Variants in IBTK observed in about 807,000 individuals in gnomAD.
IBTK encodes the protein inhibitor of Bruton tyrosine kinase.
IBTK carries 83 observed loss-of-function variants against 154.9 expected under a neutral mutation model. That is an observed-to-expected ratio of 0.54 (90% CI 0.45 to 0.64). The LOEUF (loss-of-function observed/expected upper bound fraction) is 0.64, where lower values mean the gene tolerates loss of function less well. IBTK is among the 30% of genes least tolerant of loss of function. The probability of loss-of-function intolerance (pLI) is 0.00; values close to 1 mark genes in which losing one functional copy is unlikely to be tolerated. For synonymous variants in IBTK, 515 were observed against 536.1 expected (o/e 0.96, Z 0.54); for missense variants, 1,332 against 1,584.6 (o/e 0.84, Z 2.71).
chr6:82,247,583 C>G lies in IBTK; in HGVS notation c.-379G>C, dbSNP rs1771204824. The G allele has an allele frequency of 7.5e-6, 3 of 398,708 alleles. No homozygotes were observed. The highest frequency in any genetic ancestry group is 2.1e-5 in the African/African-American group (1 of 48,642). 24.7% of individuals were successfully genotyped at this position (398,708 alleles called of 1,614,324 possible). The stretch of plus-strand genomic sequence containing the variant: ...TCACCAGTCGCTAGATGAAACTGCG[C>G]CGGTGGATTCCGCAGGGTCCACATA... On this transcript the variant is annotated 5_prime_UTR_variant, in exon 1 of 29. Coordinates refer to ENST00000306270, the MANE Select transcript of IBTK (RefSeq NM_015525.4).
rs1396009552 is a variant in IBTK at position 82,200,249 on chromosome 6, T to C, written c.2917A>G (p.Thr973Ala). The C allele has an allele frequency of 1.2e-6, 2 of 1,608,324 alleles. No homozygotes were observed. Among genetic ancestry groups the C allele is most frequent in the Non-Finnish European group, 1.7e-6 (2 of 1,175,320 alleles). Residue 973 changes from threonine to alanine, a missense_variant, in exon 21 of 29, where the codon ACT (threonine) becomes GCT (alanine). By Grantham distance (58) the Thr-to-Ala change is moderately conservative (BLOSUM62 0). Transcript: ENST00000306270. ...TTTGTTTTTGCTTTCTTGAACATAG[T>C]TTCCCTAGGAAAAAGCAAACATAAT... The part of the protein sequence containing the change: ...EINMEQNHSE[T>A]MFKKAKTKAK...
chr6:82,196,184 T>C (rs986993621), intron 22 of IBTK, 114 bp downstream of exon 22: 5 of 840,598 alleles, frequency 5.9e-6, no homozygotes, highest in Non-Finnish European at 7.0e-6. Flanking sequence ...GTGATTCTTA[T>C]ATACCAACCT....
At position 82,211,407 on chromosome 6, in the gene IBTK, A is replaced by G. The variant is rs769980728; in HGVS notation, c.2375-3T>C. The G allele has an allele frequency of 3.1e-6, 5 of 1,608,616 alleles. No individual in the cohort carries two copies. The South Asian group carries it at 4.4e-5, about 14-fold the overall frequency. ...ACTCAGCATACTATGAAAATATTCT[A>G]AAAGAAAAAAAAGTTCAATGCAATA... is the stretch of plus-strand genomic sequence containing the variant. On this transcript the variant is annotated splice_polypyrimidine_tract_variant and splice_region_variant and intron_variant, in intron 14 of 28. Transcript: ENST00000306270.
chr6:82,224,722 A>C (rs906977505), intron 6 of IBTK, among the ~76,000 whole-genome samples: 1 of 152,230 alleles, frequency 6.6e-6, no homozygotes, highest in East Asian at 1.9e-4. Context: ...GTCACGTGTG[A>C]TATCTGTGCA....
chr6:82,240,508 T>C lies in IBTK; in HGVS notation c.-22A>G. ...TCATCCTAACTGTTTTTATACCACT[T>C]ACTTCAGAATCGTGAAAACTAATTT... On this transcript the variant is annotated 5_prime_UTR_variant, in exon 2 of 29. Coordinates refer to ENST00000306270, the MANE Select transcript of IBTK (RefSeq NM_015525.4). The C allele has an allele frequency of 1.9e-6, 3 of 1,572,608 alleles. No individual in the cohort carries two copies. The highest frequency in any genetic ancestry group is 2.6e-6 in the Non-Finnish European group (3 of 1,158,720).
chr6:82,182,322 G>A (rs1768351659), intron 25 of IBTK, among the ~76,000 whole-genome samples: 1 of 151,800 alleles, frequency 6.6e-6, no homozygotes, highest in South Asian at 2.1e-4. Flanking sequence ...TTAAAAATAG[G>A]TAAGTTCGGC....
At position 82,231,699 on chromosome 6, in the gene IBTK, G is replaced by A. The variant is rs766254346; in HGVS notation, c.543+19C>T. 1.0e-5 allele frequency: 16 copies of A among 1,580,102 alleles called. No homozygotes were observed. The highest frequency in any genetic ancestry group is 1.4e-5 in the Non-Finnish European group (16 of 1,162,746). The stretch of plus-strand genomic sequence containing the variant: ...TCTTTCTCATCTCTAAAAGTATATA[G>A]ATTGTACTTCAAAAATACCTGCTTG... On this transcript the variant is annotated intron_variant, in intron 4 of 28. Transcript: ENST00000306270.
intron 22 of IBTK, among the ~76,000 whole-genome samples, chr6:82,195,027 C>T (rs1482868509): frequency 6.6e-6 from 1 of 152,088 alleles, no homozygotes; most frequent in Non-Finnish European, 1.5e-5. Context: ...TCATATAATT[C>T]ACTCTGATGT....
At chr6:82,179,556 C>A (rs531160821) in intron 26 of IBTK, among the ~76,000 whole-genome samples, 1 of 152,114 alleles carries the variant, frequency 6.6e-6, no homozygotes, top group Non-Finnish European at 1.5e-5. Flanking sequence ...TGAAATAAGA[C>A]GACGACCAGT....
At position 82,200,582 on chromosome 6, in the gene IBTK, C is replaced by A; in HGVS notation, c.2912+5G>T. The A allele has an allele frequency of 6.5e-7, 1 of 1,535,068 alleles. No individual in the cohort carries two copies. Among genetic ancestry groups the A allele is most frequent in the Non-Finnish European group, 8.7e-7 (1 of 1,145,390 alleles). On this transcript the variant is annotated splice_donor_5th_base_variant and intron_variant, in intron 20 of 28. Transcript: ENST00000306270. ...AAAAGAAAAAAAAAAAAGAAAACAG[C>A]TTACGAATGATTTTGTTCCATATTT... is the stretch of plus-strand genomic sequence containing the variant.
chr6:82,172,303 C>T, intron 28 of IBTK, 77 bp downstream of exon 28: 1 of 1,458,484 alleles, frequency 6.9e-7, no homozygotes, highest in East Asian at 2.3e-5. Flanking sequence ...CCAAAACAAA[C>T]AAACACGATT....
At chr6:82,237,629 T>TAGC (rs1562108729) in intron 2 of IBTK, among the ~76,000 whole-genome samples, 1 of 146,230 alleles carries the variant, frequency 6.8e-6, no homozygotes, top group Admixed American at 7.0e-5. Flanking sequence ...GTAGTAGTAG[T>TAGC]AGCAGTAGTA....
At chr6:82,217,899 C>T in intron 10 of IBTK, 61 bp downstream of exon 10, 1 of 1,170,330 alleles carries the variant, frequency 8.5e-7, no homozygotes, top group Non-Finnish European at 1.2e-6. Flanking sequence ...GAACCTAATA[C>T]TTGTCAAATT....
chr6:82,247,279 A>C (rs1771188121), intron 1 of IBTK, among the ~76,000 whole-genome samples: 1 of 152,204 alleles, frequency 6.6e-6, no homozygotes, highest in Non-Finnish European at 1.5e-5. Context: ...TAGGAATGCA[A>C]TGTCGCTGGA....
intron 25 of IBTK, among the ~76,000 whole-genome samples, chr6:82,187,303 C>A (rs541997451): frequency 3.3e-5 from 5 of 152,212 alleles, no homozygotes; most frequent in Non-Finnish European, 7.4e-5. Context: ...TTCTAGAATT[C>A]TCCTTAATAT....
chr6:82,245,747 T>C (rs1460996586), intron 1 of IBTK, among the ~76,000 whole-genome samples: 1 of 151,972 alleles, frequency 6.6e-6, no homozygotes, highest in East Asian at 1.9e-4. Flanking sequence ...TGAACAGCCT[T>C]ATGTGCCTTT....
chr6:82,215,573 G>A (rs913385951), intron 11 of IBTK, among the ~76,000 whole-genome samples: 3 of 151,990 alleles, frequency 2.0e-5, no homozygotes, highest in Non-Finnish European at 4.4e-5. Flanking sequence ...GATCACCTGA[G>A]GTCAGGTGGT....
At chr6:82,188,748 GA>G (rs1277383234) in intron 25 of IBTK, among the ~76,000 whole-genome samples, 1 of 152,174 alleles carries the variant, frequency 6.6e-6, no homozygotes, top group Non-Finnish European at 1.5e-5. Flanking sequence ...CAATAGAAAA[GA>G]AAAAGTGTAG....
chr6:82,214,590 C>T lies in IBTK; in HGVS notation c.1841G>A (p.Gly614Glu), dbSNP rs1769795616. Residue 614 changes from glycine to glutamate, a missense_variant, in exon 12 of 29, where the codon GGG (glycine) becomes GAG (glutamate). Coordinates refer to ENST00000306270, the MANE Select transcript of IBTK (RefSeq NM_015525.4). ...CTTCTCTACCACAAAGAGATGGCAC[C>T]CTGCAGAATCTTCATCTTTCTGGTA... ...DIYQKDEDSAGCHLFVVEKVH... is the reference protein window; with the variant it reads ...DIYQKDEDSAECHLFVVEKVH... 2.5e-6 allele frequency: 4 copies of T among 1,613,834 alleles called. No individual in the cohort carries two copies. Among genetic ancestry groups the T allele is most frequent in the Non-Finnish European group, 2.5e-6 (3 of 1,179,980 alleles).
Sources: allele counts gnomAD v4.1 joint callset (sites outside exome capture counted in the v4.1 genomes callset), GRCh38; gene constraint gnomAD v4.1.1; transcripts MANE v1.5; gene names NCBI Gene and HGNC (gene_info 2026-07-23, HGNC 2026-07-21).